The following SLC24A4 variants were observed in gnomAD, a reference collection of about 807,000 sequenced individuals.
SLC24A4 encodes solute carrier family 24 member 4, also known as sodium/potassium/calcium exchanger 4.
Under a neutral mutation model 79.0 loss-of-function variants are expected in SLC24A4, and 53 were observed. The ratio of observed to expected loss-of-function variants is 0.67; its 90% CI spans 0.54 to 0.84. The LOEUF (loss-of-function observed/expected upper bound fraction) is 0.84. Ranked by LOEUF, SLC24A4 falls within the 40% of genes least tolerant of loss-of-function variation. SLC24A4 has a pLI of 0.00. For missense variants in SLC24A4, 731 were observed against 822.0 expected (o/e 0.89, Z 1.35); for synonymous variants, 323 against 323.8 (o/e 1.00, Z 0.03).
At chr14:92,492,024 A>G in intron 15 of SLC24A4, 151 bp from the exon 16 acceptor site, 1 of 753,362 alleles carries the variant, frequency 1.3e-6, no homozygotes, top group Non-Finnish European at 2.2e-6. Context: ...TTGAATCCGT[A>G]TTTTCCTGAC....
chr14:92,443,616 G>A lies in SLC24A4; in HGVS notation c.657+142G>A, dbSNP rs1595290139. 1.1e-5 allele frequency: 9 copies of A among 856,200 alleles called. 1 individual carries two copies. The East Asian group carries it at 2.1e-4, about 20-fold the overall frequency. 53.0% of individuals were successfully genotyped at this position (856,200 alleles called of 1,614,324 possible). ...TGGGGTGTGCCAGCCACTCACTGCG[G>A]TCACAGTGACCAGCGCCCCGACCCC... On this transcript the variant is annotated intron_variant, in intron 7 of 16. Transcript: ENST00000532405.
chr14:92,426,508 A>G (rs28607509), intron 2 of SLC24A4, among the ~76,000 whole-genome samples: 13,201 of 152,286 alleles, frequency 0.087, 588 homozygotes, highest in East Asian at 0.096. Context: ...GCTCCTGGAA[A>G]GAACATTCCT....
At chr14:92,369,214 G>A (rs1197946981) in intron 2 of SLC24A4, among the ~76,000 whole-genome samples, 2 of 151,776 alleles carry the variant, frequency 1.3e-5, no homozygotes, top group African/African-American at 4.8e-5. Flanking sequence ...GTCTGACTTG[G>A]TGAGTACAAG....
intron 2 of SLC24A4, among the ~76,000 whole-genome samples, chr14:92,395,452 C>CACAG (rs766589337): frequency 0.013 from 1,973 of 151,950 alleles, 36 homozygotes; most frequent in Non-Finnish European, 0.012. Flanking sequence ...CACACACACA[C>CACAG]ACACACACAC....
intron 2 of SLC24A4, among the ~76,000 whole-genome samples, chr14:92,340,457 T>C (rs936845199): frequency 1.3e-5 from 2 of 152,150 alleles, no homozygotes; most frequent in Non-Finnish European, 1.5e-5. Flanking sequence ...GTGGACTTGG[T>C]GATTGCAGTA....
Position 92,325,867 on chromosome 14 carries a change from G to C in SLC24A4, c.131-1G>C. ...TATCTGTGACTTATTTTCCAATCCA[G>C]GGCACAAAACAGCTTCTGCTAGCAA... On this transcript the variant is annotated splice_acceptor_variant, in intron 1 of 16. Transcript: ENST00000532405. LOFTEE classifies it high-confidence loss of function. 6.2e-7 allele frequency: 1 copy of C among 1,600,750 alleles called. No individual in the cohort carries two copies. Among genetic ancestry groups the C allele is most frequent in the Non-Finnish European group, 8.5e-7 (1 of 1,171,214 alleles).
chr14:92,340,794 A>G (rs947762678), intron 2 of SLC24A4, among the ~76,000 whole-genome samples: 14 of 152,118 alleles, frequency 9.2e-5, no homozygotes, highest in Middle Eastern at 3.2e-3. Flanking sequence ...CTCACATGTC[A>G]GGACACCCAG....
intron 2 of SLC24A4, among the ~76,000 whole-genome samples, chr14:92,386,890 G>A (rs1238403294): frequency 1.3e-5 from 2 of 152,182 alleles, no homozygotes; most frequent in African/African-American, 4.8e-5. Context: ...TCCGGTCAAG[G>A]GAGGAGGCTC....
chr14:92,399,129 T>C (rs1889946565), intron 2 of SLC24A4, among the ~76,000 whole-genome samples: 2 of 152,208 alleles, frequency 1.3e-5, no homozygotes, highest in African/African-American at 4.8e-5. Context: ...AGGCCTCAAT[T>C]GATCTTAAAA....
intron 2 of SLC24A4, among the ~76,000 whole-genome samples, chr14:92,368,925 C>A (rs185857530): frequency 6.6e-6 from 1 of 152,184 alleles, no homozygotes; most frequent in African/African-American, 2.4e-5. Context: ...CTGCTCAGCT[C>A]CCTACCCACT....
chr14:92,440,818 A>G (rs1892448897), intron 4 of SLC24A4, among the ~76,000 whole-genome samples: 1 of 151,618 alleles, frequency 6.6e-6, no homozygotes, highest in South Asian at 2.1e-4. Flanking sequence ...CATTGGGTCC[A>G]GGTTTCAGAA....
intron 2 of SLC24A4, among the ~76,000 whole-genome samples, chr14:92,417,254 G>A (rs1001855795): frequency 2.0e-5 from 3 of 152,134 alleles, no homozygotes; most frequent in Non-Finnish European, 4.4e-5. Context: ...ACCTAGTGAC[G>A]TCTTGCTAGT....
chr14:92,466,306 C>T (rs80168727), intron 12 of SLC24A4, among the ~76,000 whole-genome samples: 16,735 of 152,222 alleles, frequency 0.11, 1,045 homozygotes, highest in East Asian at 0.23. Flanking sequence ...GTTCTAAACA[C>T]GTCATGTTTG....
At chr14:92,360,356 C>T (rs1887438028) in intron 2 of SLC24A4, among the ~76,000 whole-genome samples, 1 of 152,222 alleles carries the variant, frequency 6.6e-6, no homozygotes, top group African/African-American at 2.4e-5. Context: ...CCTCCTCAGC[C>T]TCCCAAAGTG....
At chr14:92,411,603 A>C (rs557534059) in intron 2 of SLC24A4, among the ~76,000 whole-genome samples, 1 of 152,170 alleles carries the variant, frequency 6.6e-6, no homozygotes. Flanking sequence ...CCTGTAGTTC[A>C]TGGTTTCCCT....
intron 10 of SLC24A4, chr14:92,453,197 G>A (rs528562063): frequency 6.6e-6 from 1 of 152,344 alleles, no homozygotes; most frequent in East Asian, 1.9e-4. Context: ...AGAGAGACCA[G>A]CCTCCCTCCG....
intron 2 of SLC24A4, among the ~76,000 whole-genome samples, chr14:92,343,972 G>A (rs1314300862): frequency 6.6e-6 from 1 of 152,152 alleles, no homozygotes; most frequent in Non-Finnish European, 1.5e-5. Flanking sequence ...CAAAGTGCTG[G>A]TATTACAGGT....
rs923668878 is a variant in SLC24A4 at position 92,495,061 on chromosome 14, A to G, written c.*1433A>G. 2 of 152,610 alleles carry G rather than the reference A, an allele frequency of 1.3e-5. No individual in the cohort carries two copies. Among genetic ancestry groups the G allele is most frequent in the Non-Finnish European group, 2.9e-5 (2 of 68,024 alleles). The allele number at this position is 152,610 out of a possible 1,614,324, so 9.5% of individuals were successfully genotyped here. A position where few individuals can be genotyped will look rare whatever the true frequency, so the allele number is the denominator to read the frequency against. On this transcript the variant is annotated 3_prime_UTR_variant, in exon 17 of 17. Transcript: ENST00000532405. Reference sequence around the variant, plus strand: ...TTGAATATTGAGATATTTTGCACGGATGAATGTATGGGAACTACCCATGAT... The same window carrying G: ...TTGAATATTGAGATATTTTGCACGGGTGAATGTATGGGAACTACCCATGAT...
intron 12 of SLC24A4, among the ~76,000 whole-genome samples, chr14:92,474,793 GTATATATATACA>G (rs1566795344): frequency 1.4e-5 from 1 of 71,566 alleles, no homozygotes; most frequent in Non-Finnish European, 3.0e-5. Flanking sequence ...ATGTGTGTGT[GTATATATATACA>G]TATATACATA....
Sources: gnomAD v4.1 joint callset for allele counts (sites outside exome capture counted in the v4.1 genomes callset) on GRCh38, gnomAD v4.1.1 for gene constraint, MANE v1.5 for transcripts, NCBI Gene and HGNC (gene_info 2026-07-23, HGNC 2026-07-21) for gene names.